The following CYP3A43 variants were observed in gnomAD, a reference collection of about 807,000 sequenced individuals.
CYP3A43 encodes cytochrome P450 3A43.
Under a neutral mutation model 58.0 loss-of-function variants are expected in CYP3A43, and 45 were observed. That is an observed-to-expected ratio of 0.78 (90% CI 0.61 to 0.99). The LOEUF is 0.99. CYP3A43 is among the 50% of genes least tolerant of loss of function. The pLI, the probability that CYP3A43 is intolerant of heterozygous loss-of-function variation, is 0.00. For missense variants in CYP3A43, 593 were observed against 591.9 expected (o/e 1.00, Z -0.02); for synonymous variants, 191 against 201.4 (o/e 0.95, Z 0.44).
In CYP3A43 at chr7:99,832,821, T is replaced by C. The variant is rs554817583; in HGVS notation, c.72-3632T>C. On this transcript the variant is annotated intron_variant, in intron 1 of 12. Coordinates refer to ENST00000354829, the MANE Select transcript of CYP3A43 (RefSeq NM_057095.3). The stretch of plus-strand genomic sequence containing the variant: ...TTTGCTTCCCCTTCACCTTCCACCA[T>C]GATTTTAAGTTTCCTGAGGCCTCCC... Among the ~76,000 whole-genome samples the C allele has an allele frequency of 2.6e-4, 39 of 152,270 alleles. No homozygotes were observed. The South Asian group carries it at 6.2e-3, about 24-fold the overall frequency.
At position 99,847,588 on chromosome 7, in the gene CYP3A43, TA is replaced by T; in HGVS notation, c.423del (p.Lys141AsnfsTer17). On this transcript the variant is annotated frameshift_variant, in exon 5 of 13. Transcript: ENST00000354829. LOFTEE classifies it high-confidence loss of function. ...RTLLSPAFTS[V>X]KFKEMVPIIS... is the part of the protein sequence containing the mutation. Reference sequence around the variant, plus strand: ...TTGCTATCTCCAGCTTTCACCAGTGTAAAATTCAAGGAAGTAAGAAAATAAG... The same window carrying T: ...TTGCTATCTCCAGCTTTCACCAGTGTAAATTCAAGGAAGTAAGAAAATAAG... 6.2e-7 allele frequency: 1 copy of T among 1,613,804 alleles called. No individual in the cohort carries two copies. The highest frequency in any genetic ancestry group is 8.5e-7 in the Non-Finnish European group (1 of 1,179,848).
chr7:99,858,979 G>T (rs1818110825), intron 9 of CYP3A43, among the ~76,000 whole-genome samples: 1 of 152,096 alleles, frequency 6.6e-6, no homozygotes, highest in Non-Finnish European at 1.5e-5. Context: ...TTACACGCTT[G>T]CACCACTGTG....
intron 1 of CYP3A43, among the ~76,000 whole-genome samples, chr7:99,830,696 A>G (rs1000420018): frequency 6.6e-6 from 1 of 152,100 alleles, no homozygotes; most frequent in African/African-American, 2.4e-5. Flanking sequence ...CCATCAGAAG[A>G]TACTACATTT....
At chr7:99,852,601 TGTAAC>T (rs1817804857) in intron 7 of CYP3A43, among the ~76,000 whole-genome samples, 1 of 152,240 alleles carries the variant, frequency 6.6e-6, no homozygotes, top group Non-Finnish European at 1.5e-5. Context: ...GATTGTATAT[TGTAAC>T]GTACAGAAAT....
At chr7:99,857,848 T>G (rs1489823863) in intron 9 of CYP3A43, among the ~76,000 whole-genome samples, 1 of 152,000 alleles carries the variant, frequency 6.6e-6, no homozygotes, top group Admixed American at 6.6e-5. Flanking sequence ...ATCTCAAAAA[T>G]AATACTAAAT....
intron 4 of CYP3A43, among the ~76,000 whole-genome samples, chr7:99,845,107 A>G (rs938399001): frequency 6.6e-6 from 1 of 151,564 alleles, no homozygotes; most frequent in Admixed American, 6.6e-5. Flanking sequence ...AATGCTTTAC[A>G]TTTAAGTTTA....
intron 7 of CYP3A43, among the ~76,000 whole-genome samples, chr7:99,852,965 T>C (rs150212731): frequency 1.5e-4 from 23 of 152,374 alleles, no homozygotes; most frequent in Admixed American, 1.2e-3. Flanking sequence ...GGTATATAAT[T>C]ATTTTTATAT....
chr7:99,845,177 C>T (rs1209250016), intron 4 of CYP3A43, among the ~76,000 whole-genome samples: 1 of 151,906 alleles, frequency 6.6e-6, no homozygotes, highest in Non-Finnish European at 1.5e-5. Flanking sequence ...AAGTTTAGGT[C>T]ATAGTTCACT....
chr7:99,862,821 A>C (rs1048445328), intron 11 of CYP3A43, among the ~76,000 whole-genome samples: 1 of 152,228 alleles, frequency 6.6e-6, no homozygotes, highest in Non-Finnish European at 1.5e-5. Flanking sequence ...TGGAAGAGCA[A>C]GTCAGAATTG....
chr7:99,849,986 C>A (rs1817694128), intron 7 of CYP3A43: 1 of 408,212 alleles, frequency 2.4e-6, no homozygotes, highest in Non-Finnish European at 4.4e-6. Context: ...TAGACAGAGT[C>A]TCGCTGTGTT....
intron 7 of CYP3A43, 161 bp from the exon 8 acceptor site, chr7:99,855,430 G>A: frequency 1.1e-6 from 1 of 905,010 alleles, no homozygotes; most frequent in East Asian, 2.9e-5. Flanking sequence ...CATGGAAGAG[G>A]GGCAAAGGTC....
At chr7:99,861,881 G>A in intron 11 of CYP3A43, 42 bp downstream of exon 11, 3 of 1,548,990 alleles carry the variant, frequency 1.9e-6, no homozygotes, top group Non-Finnish European at 2.7e-6. Flanking sequence ...CAACCAGCCT[G>A]ATTCAAGTAT....
At chr7:99,842,604 G>A (rs561149805) in intron 3 of CYP3A43, among the ~76,000 whole-genome samples, 2 of 150,946 alleles carry the variant, frequency 1.3e-5, no homozygotes, top group Non-Finnish European at 3.0e-5. Flanking sequence ...GGTCCTTTAT[G>A]AAAAAAAAAG....
intron 7 of CYP3A43, among the ~76,000 whole-genome samples, chr7:99,851,329 G>A (rs1817752172): frequency 6.6e-6 from 1 of 152,190 alleles, no homozygotes; most frequent in Admixed American, 6.5e-5. Flanking sequence ...TTCAGCAGTG[G>A]AATGGAGGCG....
intron 3 of CYP3A43, among the ~76,000 whole-genome samples, chr7:99,841,532 G>A (rs1163862802): frequency 6.6e-6 from 1 of 151,990 alleles, no homozygotes; most frequent in African/African-American, 2.4e-5. Context: ...TGAGTAGCTG[G>A]GATTATAGGC....
At chr7:99,840,808 T>G (rs1817300801) in intron 3 of CYP3A43, among the ~76,000 whole-genome samples, 1 of 152,178 alleles carries the variant, frequency 6.6e-6, no homozygotes, top group Non-Finnish European at 1.5e-5. Flanking sequence ...CACTTTTTGG[T>G]TAACACCTTG....
intron 1 of CYP3A43, among the ~76,000 whole-genome samples, chr7:99,834,914 T>C (rs1322008159): frequency 1.3e-5 from 2 of 152,206 alleles, no homozygotes; most frequent in Non-Finnish European, 2.9e-5. Context: ...TCCCCCATAT[T>C]AGTTCCTCCA....
At chr7:99,855,285 C>T (rs1007916905) in intron 7 of CYP3A43, among the ~76,000 whole-genome samples, 2 of 152,150 alleles carry the variant, frequency 1.3e-5, no homozygotes, top group Non-Finnish European at 2.9e-5. Context: ...AGACTCTAGT[C>T]CAGTAGATAA....
intron 1 of CYP3A43, among the ~76,000 whole-genome samples, chr7:99,832,708 C>A (rs532663723): frequency 2.6e-5 from 4 of 151,502 alleles, no homozygotes; most frequent in South Asian, 2.1e-4. Flanking sequence ...GAAAAAAAAA[C>A]AAAACAACAA....
Sources: gnomAD v4.1 joint callset for allele counts (sites outside exome capture counted in the v4.1 genomes callset) on GRCh38, gnomAD v4.1.1 for gene constraint, MANE v1.5 for transcripts, NCBI Gene and HGNC (gene_info 2026-07-23, HGNC 2026-07-21) for gene names.